Variants in WDPCP observed in about 807,000 individuals in gnomAD.
WDPCP encodes the protein WD repeat containing planar cell polarity effector, also known as WD repeat-containing and planar cell polarity effector protein fritz homolog.
Under a neutral mutation model 93.1 loss-of-function variants are expected in WDPCP, and 71 were observed. The ratio of observed to expected loss-of-function variants is 0.76; its 90% CI spans 0.63 to 0.93. WDPCP has a LOEUF of 0.93. WDPCP is among the 40% of genes least tolerant of loss of function. WDPCP has a pLI of 0.00. For synonymous variants in WDPCP, 315 were observed against 315.0 expected, an observed-to-expected ratio of 1.00 and a Z score of 0.00; for missense variants, 844 against 887.4, an observed-to-expected ratio of 0.95 and a Z score of 0.62.
intron 1 of WDPCP, among the ~76,000 whole-genome samples, chr2:63,536,656 G>A (rs374025493): frequency 1.3e-5 from 2 of 151,750 alleles, no homozygotes; most frequent in African/African-American, 4.8e-5. Flanking sequence ...ATACTTTGAA[G>A]TGCATCAGAA....
At chr2:63,383,156 A>G (rs920213834) in intron 10 of WDPCP, among the ~76,000 whole-genome samples, 15 of 151,992 alleles carry the variant, frequency 9.9e-5, no homozygotes, top group Non-Finnish European at 7.4e-5. Flanking sequence ...CAACCACAGG[A>G]AAAAAAATAC....
chr2:63,167,222 A>G lies in WDPCP; in HGVS notation c.2078+7448T>C, dbSNP rs13398553. Among the ~76,000 whole-genome samples, 848 of 152,338 alleles carry G rather than the reference A, an allele frequency of 5.6e-3. 5 individuals carry two copies. The highest frequency in any genetic ancestry group is 0.019 in the African/African-American group (800 of 41,582). On this transcript the variant is annotated intron_variant, in intron 15 of 17. Transcript: ENST00000272321. ...AGAGAACATATGGTCCATAAGCCTA[A>G]AATATTTACACTGAAGCCATTTAGG...
At chr2:63,179,155 G>A (rs1035098381) in intron 14 of WDPCP, among the ~76,000 whole-genome samples, 7 of 148,886 alleles carry the variant, frequency 4.7e-5, no homozygotes, top group Non-Finnish European at 8.9e-5. Flanking sequence ...AGCTGAGACT[G>A]CACCACTGCA....
intron 12 of WDPCP, among the ~76,000 whole-genome samples, chr2:63,316,791 A>G (rs6708627): frequency 0.8 from 121,898 of 152,144 alleles, 49,702 homozygotes; most frequent in East Asian, 0.96. Flanking sequence ...TTCTATACCT[A>G]CAAAATCCCA....
chr2:63,236,353 C>A (rs1679391503), intron 14 of WDPCP, among the ~76,000 whole-genome samples: 1 of 152,130 alleles, frequency 6.6e-6, no homozygotes, highest in African/African-American at 2.4e-5. Flanking sequence ...GGAAAAACTT[C>A]CATGTGCATG....
chr2:63,150,563 G>T (rs1350805360), intron 17 of WDPCP, among the ~76,000 whole-genome samples: 1 of 152,186 alleles, frequency 6.6e-6, no homozygotes, highest in African/African-American at 2.4e-5. Flanking sequence ...CAACCTGGGA[G>T]ACTATGGGAA....
intron 10 of WDPCP, among the ~76,000 whole-genome samples, chr2:63,396,457 C>A (rs1236470704): frequency 3.3e-5 from 5 of 152,130 alleles, no homozygotes; most frequent in Non-Finnish European, 7.3e-5. Flanking sequence ...ATCACTTGAA[C>A]ATGTAACCTT....
chr2:63,230,555 A>T (rs537573604), intron 14 of WDPCP, among the ~76,000 whole-genome samples: 1 of 152,184 alleles, frequency 6.6e-6, no homozygotes, highest in Non-Finnish European at 1.5e-5. Flanking sequence ...TCCCACCAAC[A>T]GTGTAAAAGT....
intron 2 of WDPCP, among the ~76,000 whole-genome samples, chr2:63,701,284 T>C (rs1669046468): frequency 6.6e-6 from 1 of 151,974 alleles, no homozygotes; most frequent in Non-Finnish European, 1.5e-5. Context: ...ATCAGAGAAA[T>C]GCAAATCAAA....
At chr2:63,745,471 A>G (rs950049351) in intron 2 of WDPCP, among the ~76,000 whole-genome samples, 1 of 152,222 alleles carries the variant, frequency 6.6e-6, no homozygotes, top group African/African-American at 2.4e-5. Flanking sequence ...ATATGTATTT[A>G]CATTCATAGT....
At chr2:63,204,633 CGCCTG>C (rs1239015570) in intron 14 of WDPCP, among the ~76,000 whole-genome samples, 1 of 152,126 alleles carries the variant, frequency 6.6e-6, no homozygotes, top group Non-Finnish European at 1.5e-5. Flanking sequence ...TGAGCCACTG[CGCCTG>C]GCCTGTACTT....
At chr2:63,319,808 T>A (rs535941135) in intron 12 of WDPCP, among the ~76,000 whole-genome samples, 1 of 152,138 alleles carries the variant, frequency 6.6e-6, no homozygotes, top group Admixed American at 6.6e-5. Flanking sequence ...GAATACACAT[T>A]CTTCTTAAGC....
At chr2:63,288,510 T>A (rs773790355) in intron 13 of WDPCP, among the ~76,000 whole-genome samples, 15 of 152,162 alleles carry the variant, frequency 9.9e-5, no homozygotes, top group Non-Finnish European at 2.1e-4. Flanking sequence ...TAAGTGAAAA[T>A]TTATATTTTT....
At chr2:63,766,039 G>A (rs1670132975) in intron 2 of WDPCP, among the ~76,000 whole-genome samples, 1 of 152,194 alleles carries the variant, frequency 6.6e-6, no homozygotes, top group Non-Finnish European at 1.5e-5. Context: ...ATCTTGTTTA[G>A]AGCACTAGCA....
chr2:63,559,733 G>A (rs1261260039), intron 1 of WDPCP, among the ~76,000 whole-genome samples: 5 of 152,166 alleles, frequency 3.3e-5, no homozygotes, highest in Non-Finnish European at 5.9e-5. Flanking sequence ...CAAGGGAAGT[G>A]AAGGACCTCT....
intron 13 of WDPCP, among the ~76,000 whole-genome samples, chr2:63,307,492 C>A (rs888622240): frequency 2.0e-5 from 3 of 152,160 alleles, no homozygotes; most frequent in African/African-American, 7.2e-5. Context: ...TCAAACTATA[C>A]TACAAGTCTA....
intron 17 of WDPCP, among the ~76,000 whole-genome samples, chr2:63,144,976 T>A (rs1316875925): frequency 6.6e-6 from 1 of 152,168 alleles, no homozygotes; most frequent in Non-Finnish European, 1.5e-5. Context: ...CTCCCCCTTT[T>A]CCTATGGATG....
At chr2:63,769,665 G>A (rs967750822) in intron 2 of WDPCP, among the ~76,000 whole-genome samples, 29 of 151,780 alleles carry the variant, frequency 1.9e-4, no homozygotes, top group Non-Finnish European at 3.5e-4. Flanking sequence ...ACTACTCTGA[G>A]TTTGGTAACT....
intron 13 of WDPCP, among the ~76,000 whole-genome samples, chr2:63,269,854 T>G (rs958274520): frequency 1.3e-5 from 2 of 152,176 alleles, no homozygotes; most frequent in African/African-American, 4.8e-5. Context: ...CTGGTCAAAG[T>G]TGCCTTCAAC....
Sources: allele counts gnomAD v4.1 joint callset (sites outside exome capture counted in the v4.1 genomes callset), GRCh38; gene constraint gnomAD v4.1.1; transcripts MANE v1.5; gene names NCBI Gene and HGNC (gene_info 2026-07-23, HGNC 2026-07-21).